The following ZNF217 variants were observed in gnomAD, a reference collection of about 807,000 sequenced individuals.
ZNF217 encodes the protein zinc finger protein 217.
Under a neutral mutation model 73.3 loss-of-function variants are expected in ZNF217, and 12 were observed. The ratio of observed to expected loss-of-function variants is 0.16; its 90% confidence interval spans 0.10 to 0.27. ZNF217 has a LOEUF of 0.27. Ranked by LOEUF, ZNF217 falls within the 10% of genes least tolerant of loss-of-function variation. ZNF217 has a pLI of 1.00. For missense variants in ZNF217, 1,195 were observed against 1,327.8 expected (o/e 0.90, Z 1.55); for synonymous variants, 588 against 516.4 (o/e 1.14, Z -1.88).
At chr20:53,594,013 C>G (rs1223706731), upstream of ZNF217, among the ~76,000 whole-genome samples, 1 of 151,434 alleles carries the variant, frequency 6.6e-6, no homozygotes, top group Non-Finnish European at 1.5e-5. Flanking sequence ...CGCCGAGGAG[C>G]CTAGTGCCTT....
intron 1 of ZNF217, among the ~76,000 whole-genome samples, 190 bp downstream of exon 1, chr20:53,593,566 G>A (rs1988959372): frequency 6.6e-6 from 1 of 151,944 alleles, no homozygotes; most frequent in Non-Finnish European, 1.5e-5. Flanking sequence ...CTTCCCGCGG[G>A]CGGAAGCGCA....
Position 53,582,999 on chromosome 20 carries a change from A to C in ZNF217, c.-173T>G, listed in dbSNP as rs1365804399. On this transcript the variant is annotated 5_prime_UTR_variant, in exon 2 of 6. Transcript: ENST00000371471. This position sits in a 1 kb window ranked among gnomAD's most constrained non-coding sequence, Gnocchi z 4.8. The stretch of plus-strand genomic sequence containing the variant: ...ACTTCTTCGAACTTTTAGGAAGCTC[A>C]GTGATGGTGTCACTGGTTCTTTCCA... 1.6e-6 allele frequency: 1 copy of C among 628,750 alleles called. No individual in the cohort carries two copies. The highest frequency in any genetic ancestry group is 2.8e-5 in the East Asian group (1 of 35,118). 38.9% of individuals were successfully genotyped at this position (628,750 alleles called of 1,614,324 possible).
At chr20:53,584,982 C>T (rs538157325) in intron 1 of ZNF217, among the ~76,000 whole-genome samples, 156 of 146,466 alleles carry the variant, frequency 1.1e-3, no homozygotes, top group African/African-American at 3.9e-3. Context: ...CTTTTAGATG[C>T]TAAAATACGC....
rs1468103622 is a variant in ZNF217 at position 53,582,646 on chromosome 20, C to G, written c.181G>C (p.Gly61Arg). 2 of 1,614,016 alleles carry G rather than the reference C, an allele frequency of 1.2e-6. No homozygotes were observed. The highest frequency in any genetic ancestry group is 1.7e-6 in the Non-Finnish European group (2 of 1,180,032). The change falls in exon 2 of 6, where the codon GGG becomes CGG. Residue 61 changes from glycine to arginine, a missense_variant. Physicochemically the swap from Gly to Arg is moderately radical, Grantham distance 125. This residue lies in a region of ZNF217 where 147 missense variants were observed against 184.3 expected (regional missense o/e 0.80). Transcript: ENST00000371471. This position sits in a 1 kb window ranked among gnomAD's most constrained non-coding sequence, Gnocchi z 4.8. ...AACATGCAATCCAAGGGCATATACC[C>G]CTCGATTTGGATGACATTTTTTTCT... Reference protein sequence around the residue: ...TQEKNVIQIEGYMPLDCMFCS... With the variant: ...TQEKNVIQIERYMPLDCMFCS...
chr20:53,596,552 C>T (rs1989045027), upstream of ZNF217, among the ~76,000 whole-genome samples: 1 of 152,150 alleles, frequency 6.6e-6, no homozygotes, highest in Non-Finnish European at 1.5e-5. Flanking sequence ...ACTCATACTT[C>T]CCATTTATTT....
At chr20:53,577,381 C>T in intron 3 of ZNF217, 101 bp from the exon 4 acceptor site, 3 of 1,006,830 alleles carry the variant, frequency 3.0e-6, no homozygotes, top group Non-Finnish European at 4.3e-6. Flanking sequence ...CCTCCTTTTG[C>T]TTTCTCGATC....
In ZNF217 at chr20:53,571,587, G is replaced by C. The variant is rs1212928219; in HGVS notation, c.*23+134C>G. ...GCCCAGCTAAATTTGTGTATTTTTA[G>C]TACAGACAGGGGTTTCACCATGTTG... is the stretch of plus-strand genomic sequence containing the variant. On this transcript the variant is annotated intron_variant, in intron 5 of 5. Transcript: ENST00000371471. 20 of 1,147,572 alleles carry C rather than the reference G, an allele frequency of 1.7e-5. No homozygotes were observed. The East Asian group carries it at 5.8e-4, about 33-fold the overall frequency. 71.1% of individuals were successfully genotyped at this position (1,147,572 alleles called of 1,614,324 possible). A position where few individuals can be genotyped will look rare whatever the true frequency, so the allele number is the denominator to read the frequency against.
At chr20:53,593,162 G>A (rs1176969678) in intron 1 of ZNF217, among the ~76,000 whole-genome samples, 1 of 152,060 alleles carries the variant, frequency 6.6e-6, no homozygotes, top group African/African-American at 2.4e-5. Flanking sequence ...CGGGGCGCGC[G>A]TCGGGGTCCG....
chr20:53,594,440 C>T (rs1049339941), upstream of ZNF217, among the ~76,000 whole-genome samples: 5 of 150,984 alleles, frequency 3.3e-5, no homozygotes, highest in East Asian at 3.9e-4. Flanking sequence ...CCCTGCTCCG[C>T]CCCCCGCCGC....
At chr20:53,586,463 A>G (rs1269467421) in intron 1 of ZNF217, among the ~76,000 whole-genome samples, 1 of 152,184 alleles carries the variant, frequency 6.6e-6, no homozygotes, top group Admixed American at 6.5e-5. Context: ...CACAAGCAAA[A>G]AAAAAACTGC....
chr20:53,583,296 T>A (rs1418787659), intron 1 of ZNF217, 128 bp from the exon 2 acceptor site: 2 of 395,026 alleles, frequency 5.1e-6, no homozygotes, highest in African/African-American at 4.1e-5. Context: ...TTTTAACTAA[T>A]ATATAGGGCA....
chr20:53,571,986 G>GC (rs5841953), intron 4 of ZNF217, 133 bp from the exon 5 acceptor site: 309,076 of 831,900 alleles, frequency 0.37, 61,846 homozygotes, highest in East Asian at 0.44. Flanking sequence ...ACAGTCGCAT[G>GC]CAAGTGTTTT....
chr20:53,577,085 A>G lies in ZNF217; in HGVS notation c.1679T>C (p.Phe560Ser). The G allele has an allele frequency of 6.2e-7, 1 of 1,614,194 alleles. No homozygotes were observed. Among genetic ancestry groups the G allele is most frequent in the Non-Finnish European group, 8.5e-7 (1 of 1,180,036 alleles). Residue 560 changes from phenylalanine to serine, a missense_variant, in exon 4 of 6, where the codon TTT (phenylalanine) becomes TCT (serine). Coordinates refer to ENST00000371471, the MANE Select transcript of ZNF217 (RefSeq NM_006526.3). ...DSAQTKNLKR[F>S]FDGAKDVTGS... ...TGTAACATCTTTGGCACCATCAAAA[A>G]ATCTTTTCAAATTTTTGGTTTGCGC...
chr20:53,594,095 G>A (rs1336762069), upstream of ZNF217, among the ~76,000 whole-genome samples: 1 of 149,290 alleles, frequency 6.7e-6, no homozygotes, highest in African/African-American at 2.5e-5. Flanking sequence ...AGAATATAGG[G>A]GCCGGGCTCA....
chr20:53,580,930 T>TCTC (rs1227867824), intron 2 of ZNF217, among the ~76,000 whole-genome samples: 1 of 151,998 alleles, frequency 6.6e-6, no homozygotes, highest in African/African-American at 2.4e-5. Context: ...AAGGCTAGGG[T>TCTC]CTCTCAATGC....
At chr20:53,595,425 C>G (rs1408208440), upstream of ZNF217, among the ~76,000 whole-genome samples, 1 of 152,158 alleles carries the variant, frequency 6.6e-6, no homozygotes, top group Admixed American at 6.5e-5. Context: ...GAACGCACTA[C>G]AGAAACGATC....
At chr20:53,573,365 G>T (rs536189643) in intron 4 of ZNF217, among the ~76,000 whole-genome samples, 36 of 152,220 alleles carry the variant, frequency 2.4e-4, no homozygotes, top group African/African-American at 6.7e-4. Context: ...GATTACAGGC[G>T]TGAGCCACCG....
chr20:53,584,353 C>CA (rs1988614570), intron 1 of ZNF217, among the ~76,000 whole-genome samples: 1 of 152,234 alleles, frequency 6.6e-6, no homozygotes, highest in South Asian at 2.1e-4. Flanking sequence ...GGAAGGCCTG[C>CA]AGGCTCAGAG....
chr20:53,591,953 G>A (rs1487395033), intron 1 of ZNF217, among the ~76,000 whole-genome samples: 2 of 152,178 alleles, frequency 1.3e-5, no homozygotes, highest in Non-Finnish European at 2.9e-5. Flanking sequence ...CAAAAGAGAA[G>A]GTAAAAGGCC....
Sources: gnomAD v4.1 joint callset for allele counts (sites outside exome capture counted in the v4.1 genomes callset) on GRCh38, gnomAD v4.1.1 for gene constraint, gnomAD v4.1.1 regional missense constraint, Gnocchi (gnomAD v3.1) non-coding constraint, MANE v1.5 for transcripts, NCBI Gene and HGNC (gene_info 2026-07-23, HGNC 2026-07-21) for gene names.